DENND1A: variants seen among roughly 807,000 people sequenced by gnomAD.
DENND1A encodes the protein DENN domain containing 1A.
In DENND1A, 51 loss-of-function variants were observed where a neutral mutation model predicts 113.7. The observed-to-expected ratio is 0.45, with a 90% confidence interval of 0.36 to 0.57. The LOEUF is 0.57. Among genes scored for constraint, DENND1A ranks in the 20% least tolerant of loss-of-function variants. The pLI, the probability that DENND1A is intolerant of heterozygous loss-of-function variation, is 0.00. For synonymous variants in DENND1A, 565 were observed against 570.8 expected (o/e 0.99, Z 0.14); for missense variants, 1,258 against 1,395.9 (o/e 0.90, Z 1.57).
At chr9:123,538,811 T>C (rs1286715319) in intron 13 of DENND1A, among the ~76,000 whole-genome samples, 2 of 9,904 alleles carry the variant, frequency 2.0e-4, no homozygotes, top group Non-Finnish European at 4.0e-4. Flanking sequence ...AACTCATACA[T>C]ATATATATAT....
chr9:123,727,552 A>G (rs1427065234), intron 5 of DENND1A, among the ~76,000 whole-genome samples: 1 of 152,212 alleles, frequency 6.6e-6, no homozygotes, highest in Non-Finnish European at 1.5e-5. Context: ...GTGAAATCAT[A>G]AACAGATGAT....
chr9:123,442,943 C>T (rs2047036363), intron 18 of DENND1A, among the ~76,000 whole-genome samples: 1 of 152,090 alleles, frequency 6.6e-6, no homozygotes, highest in African/African-American at 2.4e-5. Context: ...CAAATTGAAC[C>T]TCAATTTGCA....
At chr9:123,847,360 A>C (rs985741847) in intron 2 of DENND1A, among the ~76,000 whole-genome samples, 1 of 152,206 alleles carries the variant, frequency 6.6e-6, no homozygotes, top group Non-Finnish European at 1.5e-5. Flanking sequence ...AGATTCAAAA[A>C]GCTGGTCCTA....
intron 2 of DENND1A, chr9:123,843,093 A>G (rs939483176): frequency 1.1e-5 from 6 of 539,276 alleles, no homozygotes; most frequent in Non-Finnish European, 1.1e-5. Flanking sequence ...CATATTTTCA[A>G]TTATCCTAAG....
At chr9:123,425,850 G>A (rs900764855) in intron 19 of DENND1A, among the ~76,000 whole-genome samples, 2 of 152,238 alleles carry the variant, frequency 1.3e-5, no homozygotes, top group African/African-American at 4.8e-5. Flanking sequence ...TGAAGGGTTG[G>A]GAGGATTTTC....
chr9:123,646,372 G>A (rs563497846), intron 9 of DENND1A, among the ~76,000 whole-genome samples: 2 of 152,116 alleles, frequency 1.3e-5, no homozygotes, highest in African/African-American at 4.8e-5. Context: ...TTCTGAAAGG[G>A]AGACTAGAAA....
intron 7 of DENND1A, among the ~76,000 whole-genome samples, chr9:123,668,091 CAG>C (rs1157069112): frequency 2.0e-5 from 3 of 152,122 alleles, no homozygotes; most frequent in Admixed American, 2.0e-4. Context: ...ATTAAAGACT[CAG>C]AAGACAATGG....
intron 5 of DENND1A, among the ~76,000 whole-genome samples, chr9:123,705,077 A>C (rs201435453): frequency 0.074 from 11,259 of 152,110 alleles, 552 homozygotes; most frequent in African/African-American, 0.13. Context: ...TTAAAAAAAA[A>C]AAACAAACAA....
chr9:123,857,834 T>A (rs1327676810), intron 2 of DENND1A, among the ~76,000 whole-genome samples: 1 of 151,608 alleles, frequency 6.6e-6, no homozygotes, highest in East Asian at 1.9e-4. Flanking sequence ...CCGAGGCGGG[T>A]GGATCACGAG....
At chr9:123,543,319 A>G (rs1774378927) in intron 13 of DENND1A, among the ~76,000 whole-genome samples, 1 of 152,218 alleles carries the variant, frequency 6.6e-6, no homozygotes, top group South Asian at 2.1e-4. Context: ...TGCTGGGTTA[A>G]ACAAAGTGAT....
intron 5 of DENND1A, among the ~76,000 whole-genome samples, chr9:123,737,429 C>T (rs1036926967): frequency 6.6e-6 from 1 of 152,094 alleles, no homozygotes; most frequent in African/African-American, 2.4e-5. Flanking sequence ...TTCAGGTAAT[C>T]CTCCTGCCTT....
At chr9:123,806,967 T>G (rs1478146499) in intron 2 of DENND1A, among the ~76,000 whole-genome samples, 8 of 152,222 alleles carry the variant, frequency 5.3e-5, no homozygotes, top group Non-Finnish European at 1.0e-4. Context: ...TAGGTACTTT[T>G]TAAAAATTTT....
chr9:123,827,025 G>A (rs1165361417), intron 2 of DENND1A, among the ~76,000 whole-genome samples: 1 of 151,938 alleles, frequency 6.6e-6, no homozygotes, highest in African/African-American at 2.4e-5. Flanking sequence ...CATGTAGAGA[G>A]CTTAAAAAAA....
At chr9:123,538,214 T>C (rs1250550181) in intron 13 of DENND1A, among the ~76,000 whole-genome samples, 1 of 152,218 alleles carries the variant, frequency 6.6e-6, no homozygotes, top group East Asian at 1.9e-4. Context: ...AATCAGAATT[T>C]TCATATGGGA....
chr9:123,501,989 A>T (rs2052526224), intron 13 of DENND1A, among the ~76,000 whole-genome samples: 1 of 152,046 alleles, frequency 6.6e-6, no homozygotes, highest in South Asian at 2.1e-4. Context: ...CTTTATATAT[A>T]TATATCTCTC....
chr9:123,677,329 C>A (rs2064145481), intron 5 of DENND1A, among the ~76,000 whole-genome samples: 1 of 152,250 alleles, frequency 6.6e-6, no homozygotes. Flanking sequence ...ACTTCCCCAT[C>A]CCCACTGCCC....
chr9:123,396,179 A>G (rs1176252407), intron 21 of DENND1A, among the ~76,000 whole-genome samples: 1 of 152,196 alleles, frequency 6.6e-6, no homozygotes. Flanking sequence ...TCAGGATGCC[A>G]GTGCCTACTG....
chr9:123,880,522 G>A (rs1848165942), intron 1 of DENND1A, among the ~76,000 whole-genome samples: 1 of 152,150 alleles, frequency 6.6e-6, no homozygotes, highest in Non-Finnish European at 1.5e-5. Flanking sequence ...ACAAACATGA[G>A]GTAAGAAACC....
At position 123,671,229 on chromosome 9, in the gene DENND1A, T is replaced by C. The variant is rs1364137593; in HGVS notation, c.453+62A>G. 4 of 1,587,676 alleles carry C rather than the reference T, an allele frequency of 2.5e-6. No individual in the cohort carries two copies. In the African/African-American group the frequency reaches 4.0e-5, roughly 16 times the overall value. On this transcript the variant is annotated intron_variant, in intron 7 of 23. Coordinates refer to ENST00000394215, the MANE Select transcript of DENND1A (RefSeq NM_001352964.2). The stretch of plus-strand genomic sequence containing the variant: ...CAAAATACAATCCTGTTCAGCTAGC[T>C]CCCTCTTACTGTCAATAATGAAATG...
Sources: allele counts gnomAD v4.1 joint callset (sites outside exome capture counted in the v4.1 genomes callset), GRCh38; gene constraint gnomAD v4.1.1; transcripts MANE v1.5; gene names NCBI Gene and HGNC (gene_info 2026-07-23, HGNC 2026-07-21).